The following GBF1 variants were observed in gnomAD, a reference collection of about 807,000 sequenced individuals.
GBF1 encodes golgi brefeldin A resistant guanine nucleotide exchange factor 1.
A neutral mutation model predicts 210.5 loss-of-function variants in GBF1; 114 were observed. That is an observed-to-expected ratio of 0.54 (90% confidence interval 0.47 to 0.63). The LOEUF is 0.63. GBF1 is among the 30% of genes least tolerant of loss of function. The probability of loss-of-function intolerance (pLI) is 0.00; values close to 1 mark genes in which losing one functional copy is unlikely to be tolerated. For synonymous variants in GBF1, 850 were observed against 889.2 expected, an observed-to-expected ratio of 0.96 and a Z score of 0.78; for missense variants, 1,851 against 2,357.7, an observed-to-expected ratio of 0.79 and a Z score of 4.45.
chr10:102,274,699 ATTTTTTTTTTTTT>A (rs1174743189), intron 3 of GBF1, among the ~76,000 whole-genome samples: 47 of 71,736 alleles, frequency 6.6e-4, no homozygotes, highest in Non-Finnish European at 9.0e-4. Flanking sequence ...CAAAACAAAG[ATTTTTTTTTTTTT>A]TTTTTTTTTT....
intron 33 of GBF1, among the ~76,000 whole-genome samples, chr10:102,378,133 G>C (rs2060620209): frequency 6.6e-6 from 1 of 151,630 alleles, no homozygotes; most frequent in African/African-American, 2.4e-5. Context: ...CAGGAGAATG[G>C]CGTGAACCCG....
chr10:102,352,392 T>TGA, intron 6 of GBF1, 66 bp from the exon 7 acceptor site: 3 of 1,108,912 alleles, frequency 2.7e-6, no homozygotes, highest in Non-Finnish European at 4.2e-6. Flanking sequence ...GAGTCTGCTC[T>TGA]GAGAACCCTC....
At chr10:102,236,586 C>T in the GBF1 span, among the ~76,000 whole-genome samples, 4 of 152,142 alleles carry the variant, frequency 2.6e-5, no homozygotes, top group African/African-American at 9.7e-5. Context: ...ATGAAATATC[C>T]AGGACATATG....
At chr10:102,358,875 G>A in intron 10 of GBF1, 146 bp downstream of exon 10, 1 of 628,306 alleles carries the variant, frequency 1.6e-6, no homozygotes, top group Non-Finnish European at 2.8e-6. Context: ...TCTCAGAATT[G>A]GTTGTACTGC....
intron 3 of GBF1, among the ~76,000 whole-genome samples, chr10:102,278,346 C>T (rs1187173457): frequency 2.0e-5 from 3 of 151,334 alleles, no homozygotes; most frequent in Non-Finnish European, 2.9e-5. Context: ...GTGGTGGGAT[C>T]GTAGCTTACT....
the GBF1 span, among the ~76,000 whole-genome samples, chr10:102,234,469 C>T: frequency 6.6e-6 from 1 of 152,148 alleles, no homozygotes; most frequent in Non-Finnish European, 1.5e-5. Flanking sequence ...CTTCCCCTTC[C>T]AGGTCGGGTC....
chr10:102,231,769 G>A, the GBF1 span: 2 of 1,604,756 alleles, frequency 1.2e-6, no homozygotes, highest in African/African-American at 1.3e-5. Flanking sequence ...GCCGGGCAGC[G>A]AAGCCGAGGC....
At chr10:102,288,461 C>G (rs2076141674) in intron 3 of GBF1, among the ~76,000 whole-genome samples, 1 of 152,130 alleles carries the variant, frequency 6.6e-6, no homozygotes, top group Non-Finnish European at 1.5e-5. Context: ...CCTGTAATCC[C>G]AGCACTTTGG....
Position 102,358,521 on chromosome 10 carries a change from T to C in GBF1, c.803T>C (p.Ile268Thr), listed in dbSNP as rs142579610. The stretch of plus-strand genomic sequence containing the variant: ...TTCTTGGCAGGTGGCATGCCCTTCA[T>C]TGATGTGCCCACTCCCATCTCCTCT... ...SSNLTGGMPFIDVPTPISSAS... is the reference protein window; with the variant it reads ...SSNLTGGMPFTDVPTPISSAS... The change falls in exon 10 of 40, where the codon ATT becomes ACT. Residue 268 changes from isoleucine to threonine, a missense_variant. Coordinates refer to ENST00000369983, the MANE Select transcript of GBF1 (RefSeq NM_001377137.1). The C allele has an allele frequency of 9.6e-5, 155 of 1,612,980 alleles. No individual in the cohort carries two copies. In the African/African-American group the frequency reaches 1.7e-3, roughly 18 times the overall value.
intron 2 of GBF1, among the ~76,000 whole-genome samples, chr10:102,259,323 T>G (rs892100311): frequency 6.6e-6 from 1 of 152,208 alleles, no homozygotes; most frequent in Non-Finnish European, 1.5e-5. Flanking sequence ...TCAGAAAGAT[T>G]CTTTATTTTC....
chr10:102,244,750 G>C (rs1414603000), upstream of GBF1, among the ~76,000 whole-genome samples: 2 of 152,182 alleles, frequency 1.3e-5, no homozygotes, highest in East Asian at 3.8e-4. Context: ...GTTGGCCTGG[G>C]GGTGAGGAGA....
intron 3 of GBF1, among the ~76,000 whole-genome samples, chr10:102,332,290 C>T (rs2057392245): frequency 6.6e-6 from 1 of 151,994 alleles, no homozygotes; most frequent in African/African-American, 2.4e-5. Context: ...AGTACAGATG[C>T]AACCATCCAC....
intron 3 of GBF1, among the ~76,000 whole-genome samples, chr10:102,323,684 G>C (rs747877484): frequency 1.6e-4 from 25 of 151,850 alleles, no homozygotes; most frequent in South Asian, 4.2e-4. Context: ...GGGATTACAG[G>C]CGTGAGCCAC....
At chr10:102,297,462 A>T (rs989930885) in intron 3 of GBF1, among the ~76,000 whole-genome samples, 1 of 152,256 alleles carries the variant, frequency 6.6e-6, no homozygotes, top group Non-Finnish European at 1.5e-5. Flanking sequence ...TGACTTTTGA[A>T]AAACCATTTC....
intron 3 of GBF1, among the ~76,000 whole-genome samples, chr10:102,311,311 G>C (rs1435919552): frequency 6.6e-6 from 1 of 152,220 alleles, no homozygotes; most frequent in Non-Finnish European, 1.5e-5. Flanking sequence ...CTTAAGAAAG[G>C]CTAACGCGGC....
At chr10:102,293,764 G>GTTTTTTTTTTTTTATTTTTTTTT (rs1263151407) in intron 3 of GBF1, among the ~76,000 whole-genome samples, 2 of 50,888 alleles carry the variant, frequency 3.9e-5, no homozygotes, top group Non-Finnish European at 8.5e-5. Context: ...GCTGTAGTAT[G>GTTTTTTTTTTTTTATTTTTTTTT]TTTTGTGTTT....
intron 3 of GBF1, among the ~76,000 whole-genome samples, chr10:102,274,333 A>T (rs1443565007): frequency 6.6e-6 from 1 of 151,050 alleles, no homozygotes. Context: ...TCCCACCTCC[A>T]CCCTGTGCCC....
chr10:102,314,305 T>C (rs1282447623), intron 3 of GBF1, among the ~76,000 whole-genome samples: 1 of 151,318 alleles, frequency 6.6e-6, no homozygotes, highest in Non-Finnish European at 1.5e-5. Flanking sequence ...CCACCACACC[T>C]GGCTAATTTT....
the GBF1 span, among the ~76,000 whole-genome samples, chr10:102,239,447 G>A: frequency 1.3e-5 from 2 of 152,314 alleles, no homozygotes; most frequent in African/African-American, 4.8e-5. Context: ...GCACAGCAAT[G>A]GGAGCACAAG....
Sources: allele counts gnomAD v4.1 joint callset (sites outside exome capture counted in the v4.1 genomes callset), GRCh38; gene constraint gnomAD v4.1.1; transcripts MANE v1.5; gene names NCBI Gene and HGNC (gene_info 2026-07-23, HGNC 2026-07-21).